The following LRRC9 variants were observed in gnomAD, a reference collection of about 807,000 sequenced individuals.
LRRC9 encodes the protein leucine rich repeat containing 9, also known as leucine-rich repeat-containing protein 9.
In LRRC9, 122 loss-of-function variants were observed where a neutral mutation model predicts 63.2. The observed-to-expected ratio is 1.93, with a 90% CI of 1.67 to 2.24. The LOEUF (loss-of-function observed/expected upper bound fraction) is 2.24, where lower values mean the gene tolerates loss of function less well. Among genes scored for constraint, LRRC9 ranks in the 30% most tolerant of loss-of-function variants. The pLI is 0.00. For synonymous variants in LRRC9, 366 were observed against 213.1 expected (o/e 1.72, Z -6.25); for missense variants, 1,071 against 627.7 (o/e 1.71, Z -7.55).
chr14:60,041,820 G>C (rs952199837), intron 29 of LRRC9, among the ~76,000 whole-genome samples: 1 of 152,196 alleles, frequency 6.6e-6, no homozygotes, highest in African/African-American at 2.4e-5. Context: ...GAGGAGAAGA[G>C]GCACTCAGAT....
At chr14:59,967,295 C>T in intron 12 of LRRC9, 82 bp downstream of exon 12, 3 of 489,924 alleles carry the variant, frequency 6.1e-6, no homozygotes, top group Non-Finnish European at 1.1e-5. Flanking sequence ...TTTCCCAATC[C>T]TTTTATCCAT....
At chr14:60,038,674 A>G (rs1284426817) in intron 29 of LRRC9, among the ~76,000 whole-genome samples, 5 of 152,118 alleles carry the variant, frequency 3.3e-5, no homozygotes, top group African/African-American at 1.2e-4. Flanking sequence ...GGGATGAGAC[A>G]ATGGGGTTTT....
chr14:59,995,057 T>C (rs2140171763), intron 17 of LRRC9, among the ~76,000 whole-genome samples: 1 of 152,312 alleles, frequency 6.6e-6, no homozygotes, highest in Non-Finnish European at 1.5e-5. Flanking sequence ...TCATCATTCC[T>C]GGCCTTGCCT....
Position 60,031,613 on chromosome 14 carries a change from T to C in LRRC9, c.3922-382T>C, listed in dbSNP as rs1259741849. Among the ~76,000 whole-genome samples the C allele has an allele frequency of 6.6e-6, 1 of 152,016 alleles. No individual in the cohort carries two copies. Among genetic ancestry groups the C allele is most frequent in the Admixed American group, 6.6e-5 (1 of 15,246 alleles). ...CTTTATGGTTAAGGCTGTGTTTAATTATGTACCTTTAAAATTTTTAGATTT... is the reference window on the plus strand; with the variant it reads ...CTTTATGGTTAAGGCTGTGTTTAATCATGTACCTTTAAAATTTTTAGATTT... On this transcript the variant is annotated intron_variant, in intron 28 of 31. Transcript: ENST00000445360. This position sits in a 1 kb window ranked among gnomAD's most constrained non-coding sequence, Gnocchi z 4.6.
chr14:59,924,895 C>T (rs555967208), intron 1 of LRRC9, among the ~76,000 whole-genome samples: 1 of 151,774 alleles, frequency 6.6e-6, no homozygotes, highest in Non-Finnish European at 1.5e-5. Flanking sequence ...GCCCCCCATC[C>T]CAGCTTTTTT....
At chr14:60,022,860 C>G in exon 27 of LRRC9, 1 of 670,792 alleles carries the variant, frequency 1.5e-6, no homozygotes, top group Admixed American at 2.1e-5. Context: ...TAAAATTCCT[C>G]TTTCTACAGG....
chr14:60,037,750 T>C (rs1892575586), intron 29 of LRRC9, among the ~76,000 whole-genome samples: 1 of 152,238 alleles, frequency 6.6e-6, no homozygotes, highest in Non-Finnish European at 1.5e-5. Context: ...TCTTTCGCTG[T>C]GCAGAAGCTC....
At position 60,004,229 on chromosome 14, in the gene LRRC9, T is replaced by C. The variant is rs546651484; in HGVS notation, c.2842+431T>C. ...CAAACATTAGCACATACCAACTAGT[T>C]AGTCATTAATGTCTGTAAAGTTGAG... On this transcript the variant is annotated intron_variant, in intron 21 of 31. Transcript: ENST00000445360. This position sits in a 1 kb window ranked among gnomAD's most constrained non-coding sequence, Gnocchi z 4.8. Among the ~76,000 whole-genome samples the C allele has an allele frequency of 6.6e-6, 1 of 152,288 alleles. No individual in the cohort carries two copies. The highest frequency in any genetic ancestry group is 2.1e-4 in the South Asian group (1 of 4,824).
At chr14:59,998,923 AG>A (rs1215522865) in intron 18 of LRRC9, among the ~76,000 whole-genome samples, 177 bp from the exon 19 acceptor site, 1 of 152,080 alleles carries the variant, frequency 6.6e-6, no homozygotes, top group African/African-American at 2.4e-5. Flanking sequence ...TCAAACAAAC[AG>A]ATTAATTATT....
chr14:59,979,404 G>C (rs903257307), intron 15 of LRRC9, among the ~76,000 whole-genome samples: 14 of 152,122 alleles, frequency 9.2e-5, no homozygotes, highest in Non-Finnish European at 2.1e-4. Context: ...GGATCATGAG[G>C]TCAGGGGATC....
At chr14:60,010,927 T>G (rs1376979526) in intron 23 of LRRC9, among the ~76,000 whole-genome samples, 2 of 152,176 alleles carry the variant, frequency 1.3e-5, no homozygotes, top group African/African-American at 4.8e-5. Flanking sequence ...AACAAGTCTC[T>G]AGGAAGTTAC....
At chr14:59,963,224 T>A (rs1364055186) in intron 10 of LRRC9, among the ~76,000 whole-genome samples, 1 of 152,212 alleles carries the variant, frequency 6.6e-6, no homozygotes, top group Non-Finnish European at 1.5e-5. Flanking sequence ...ACACTGCATG[T>A]TTCTAATTGT....
At chr14:60,054,444 G>C (rs1019209412) in intron 30 of LRRC9, among the ~76,000 whole-genome samples, 1 of 151,946 alleles carries the variant, frequency 6.6e-6, no homozygotes, top group Non-Finnish European at 1.5e-5. Flanking sequence ...ATTAGATGTG[G>C]GAGAAAAAAC....
At chr14:59,959,612 G>A (rs1884144874) in intron 8 of LRRC9, among the ~76,000 whole-genome samples, 1 of 152,144 alleles carries the variant, frequency 6.6e-6, no homozygotes, top group Non-Finnish European at 1.5e-5. Flanking sequence ...AAGAGAAACT[G>A]GCTGACTGAA....
exon 3 of LRRC9, chr14:59,928,369 A>G (rs34913699): frequency 0.012 from 8,045 of 697,124 alleles, 229 homozygotes; most frequent in African/African-American, 0.089. Context: ...TAGTTGGATT[A>G]TCATTATTTC....
Position 59,962,865 on chromosome 14 carries a change from T to G in LRRC9, c.1211+1820T>G, listed in dbSNP as rs1409342636. On this transcript the variant is annotated intron_variant, in intron 10 of 31. Coordinates refer to ENST00000445360, the Ensembl canonical transcript of LRRC9. The surrounding 1 kb of genome is among the most constrained non-coding windows in gnomAD (Gnocchi z 5.1). ...CTGATAGTAAATTAGATAGCTTTGA[T>G]GGATTTTGATTAGCATTAACCTGTT... Among the ~76,000 whole-genome samples, 1 of 152,204 alleles carries G rather than the reference T, an allele frequency of 6.6e-6. No homozygotes were observed. The highest frequency in any genetic ancestry group is 1.5e-5 in the Non-Finnish European group (1 of 68,038).
chr14:59,981,705 T>C, intron 15 of LRRC9, 143 bp from the exon 16 acceptor site: 1 of 600,386 alleles, frequency 1.7e-6, no homozygotes. Flanking sequence ...TCTGCTCTCA[T>C]AGATGTCCTA....
At chr14:60,056,805 T>C (rs1894316496) in intron 30 of LRRC9, among the ~76,000 whole-genome samples, 1 of 152,192 alleles carries the variant, frequency 6.6e-6, no homozygotes, top group South Asian at 2.1e-4. Flanking sequence ...GAGACTCAAG[T>C]ACAGAAAACT....
At chr14:59,953,306 C>T (rs1312808931) in intron 8 of LRRC9, among the ~76,000 whole-genome samples, 2 of 152,218 alleles carry the variant, frequency 1.3e-5, no homozygotes, top group Admixed American at 6.5e-5. Context: ...TTCTCCACAT[C>T]CTCTCCAGCA....
Sources: gnomAD v4.1 joint callset for allele counts (sites outside exome capture counted in the v4.1 genomes callset) on GRCh38, gnomAD v4.1.1 for gene constraint, Gnocchi (gnomAD v3.1) non-coding constraint, MANE v1.5 for transcripts, NCBI Gene and HGNC (gene_info 2026-07-23, HGNC 2026-07-21) for gene names.